PCDH9: variants seen among roughly 807,000 people sequenced by gnomAD.
PCDH9 encodes protocadherin 9.
Under a neutral mutation model 70.6 loss-of-function variants are expected in PCDH9, and 24 were observed. The ratio of observed to expected loss-of-function variants is 0.34; its 90% confidence interval spans 0.25 to 0.48. PCDH9 has a LOEUF of 0.48. Among genes scored for constraint, PCDH9 ranks in the 20% least tolerant of loss-of-function variants. The pLI is 0.99. For synonymous variants in PCDH9, 562 were observed against 558.5 expected, an observed-to-expected ratio of 1.01 and a Z score of -0.09; for missense variants, 1,281 against 1,503.6, an observed-to-expected ratio of 0.85 and a Z score of 2.45.
At chr13:66,777,536 A>C (rs558201666) in intron 3 of PCDH9, among the ~76,000 whole-genome samples, 3,383 of 152,302 alleles carry the variant, frequency 0.022, 131 homozygotes, top group African/African-American at 0.075. Context: ...AAAAATGCTC[A>C]CCATCACTGG....
At chr13:67,130,294 A>G in intron 2 of PCDH9, among the ~76,000 whole-genome samples, 1 of 152,184 alleles carries the variant, frequency 6.6e-6, no homozygotes, top group East Asian at 1.9e-4. Flanking sequence ...GAATATGAAT[A>G]TTTAAAATCA....
chr13:66,888,290 T>C (rs1224145905), intron 3 of PCDH9, among the ~76,000 whole-genome samples: 1 of 151,986 alleles, frequency 6.6e-6, no homozygotes, highest in Non-Finnish European at 1.5e-5. Flanking sequence ...AGCCCAGGAA[T>C]TCAAGACCAG....
intron 3 of PCDH9, among the ~76,000 whole-genome samples, chr13:66,892,862 A>G (rs2082118081): frequency 6.6e-6 from 1 of 152,150 alleles, no homozygotes; most frequent in South Asian, 2.1e-4. Context: ...ATATGTACAC[A>G]TACAAGCACA....
intron 2 of PCDH9, among the ~76,000 whole-genome samples, chr13:67,127,007 A>G (rs974860660): frequency 6.6e-6 from 1 of 152,156 alleles, no homozygotes; most frequent in Non-Finnish European, 1.5e-5. Flanking sequence ...CCTTAAGTCA[A>G]TTGATCTTTA....
At chr13:66,897,150 T>C (rs1334267686) in intron 3 of PCDH9, among the ~76,000 whole-genome samples, 1 of 151,958 alleles carries the variant, frequency 6.6e-6, no homozygotes, top group Non-Finnish European at 1.5e-5. Context: ...ACACAAATGA[T>C]GTACTTGGCA....
At chr13:66,399,113 T>TAAC (rs1957148493) in intron 4 of PCDH9, among the ~76,000 whole-genome samples, 1 of 152,184 alleles carries the variant, frequency 6.6e-6, no homozygotes, top group African/African-American at 2.4e-5. Flanking sequence ...AATATTGGAA[T>TAAC]AACAATTCCT....
chr13:67,145,960 A>T (rs1272547679), intron 2 of PCDH9, among the ~76,000 whole-genome samples: 1 of 152,120 alleles, frequency 6.6e-6, no homozygotes, highest in Non-Finnish European at 1.5e-5. Context: ...CTTAATATCT[A>T]TAATCAGAAA....
At chr13:66,389,313 G>GA (rs574403906) in intron 4 of PCDH9, among the ~76,000 whole-genome samples, 24 of 152,016 alleles carry the variant, frequency 1.6e-4, no homozygotes, top group Non-Finnish European at 3.1e-4. Flanking sequence ...AAAGAACTTT[G>GA]AAAAAAATGT....
chr13:66,755,556 A>G (rs9540899), intron 3 of PCDH9, among the ~76,000 whole-genome samples: 14,549 of 152,182 alleles, frequency 0.096, 727 homozygotes, highest in East Asian at 0.13. Context: ...GATGTCCACT[A>G]TCTTGTGGAT....
intron 3 of PCDH9, among the ~76,000 whole-genome samples, chr13:66,898,793 A>G (rs1238463667): frequency 3.3e-5 from 5 of 151,990 alleles, no homozygotes; most frequent in Non-Finnish European, 5.9e-5. Context: ...TAATGTTACC[A>G]TTTTGCTCCT....
chr13:66,991,512 A>G (rs1001702899), intron 2 of PCDH9, among the ~76,000 whole-genome samples: 2 of 152,124 alleles, frequency 1.3e-5, no homozygotes, highest in African/African-American at 2.4e-5. Context: ...AATATTTTTG[A>G]AAGCATAATT....
At chr13:67,210,093 A>T (rs1056358308) in intron 2 of PCDH9, 13 of 152,132 alleles carry the variant, frequency 8.5e-5, no homozygotes, top group African/African-American at 3.1e-4. Context: ...GAAATATGCT[A>T]AAGTCACCTT....
chr13:66,849,445 T>TATATATGACA (rs1295108447), intron 3 of PCDH9, among the ~76,000 whole-genome samples: 1 of 145,752 alleles, frequency 6.9e-6, no homozygotes, highest in Non-Finnish European at 1.5e-5. Flanking sequence ...TATATATGAC[T>TATATATGACA]ATATATGACA....
In PCDH9 at chr13:67,033,105, C is replaced by A. The variant is rs1423970259; in HGVS notation, c.3037-129500G>T. Among the ~76,000 whole-genome samples, 4 of 152,056 alleles carry A rather than the reference C, an allele frequency of 2.6e-5. No individual in the cohort carries two copies. In the East Asian group the frequency reaches 7.7e-4, roughly 29 times the overall value. On this transcript the variant is annotated intron_variant, in intron 2 of 4. Coordinates refer to ENST00000377865, the MANE Select transcript of PCDH9 (RefSeq NM_203487.3). ...TCTTGCTATTCTTTCTACATCGAGG[C>A]ACAGACAAGGAGGCCATAAACAGTC...
chr13:67,149,970 T>C (rs145826046), intron 2 of PCDH9, among the ~76,000 whole-genome samples: 1 of 152,182 alleles, frequency 6.6e-6, no homozygotes, highest in African/African-American at 2.4e-5. Context: ...AAAATAAAAG[T>C]CTTTTCAGGT....
chr13:66,625,445 C>T (rs918537774), intron 4 of PCDH9, among the ~76,000 whole-genome samples: 21 of 151,968 alleles, frequency 1.4e-4, no homozygotes, highest in African/African-American at 4.4e-4. Context: ...TTCTTTAAAA[C>T]CACTTGGCAA....
chr13:66,798,404 T>C lies in PCDH9; in HGVS notation c.3138+105100A>G, dbSNP rs187231308. On this transcript the variant is annotated intron_variant, in intron 3 of 4. Transcript: ENST00000377865. ...TTTGGTCTTCCTTTCTCCTCTGGAG[T>C]ATATGCAGGCATAGGTGTGCACAGA... Among the ~76,000 whole-genome samples the C allele has an allele frequency of 3.5e-4, 54 of 152,242 alleles. 1 individual carries two copies. The East Asian group carries it at 9.5e-3, about 27-fold the overall frequency.
chr13:66,433,508 C>T (rs1957811560), intron 4 of PCDH9, among the ~76,000 whole-genome samples: 1 of 149,496 alleles, frequency 6.7e-6, no homozygotes, highest in Non-Finnish European at 1.5e-5. Context: ...TGCCTACATG[C>T]TAATATGAAC....
intron 4 of PCDH9, among the ~76,000 whole-genome samples, chr13:66,557,857 A>G (rs1353338177): frequency 1.3e-5 from 2 of 152,186 alleles, no homozygotes; most frequent in Non-Finnish European, 2.9e-5. Flanking sequence ...ATTAGAGACA[A>G]AGAAGAGAAG....
Sources: gnomAD v4.1 joint callset for allele counts (sites outside exome capture counted in the v4.1 genomes callset) on GRCh38, gnomAD v4.1.1 for gene constraint, MANE v1.5 for transcripts, NCBI Gene and HGNC (gene_info 2026-07-23, HGNC 2026-07-21) for gene names.